The following CSMD1 variants were observed in gnomAD, a reference collection of about 807,000 sequenced individuals.
CSMD1 encodes the protein CUB and Sushi multiple domains 1.
CSMD1 carries 213 observed loss-of-function variants against 417.5 expected under a neutral mutation model. The ratio of observed to expected loss-of-function variants is 0.51; its 90% CI spans 0.46 to 0.57. The LOEUF is 0.57. Ranked by LOEUF, CSMD1 falls within the 20% of genes least tolerant of loss-of-function variation. The pLI is 0.00. For synonymous variants in CSMD1, 2,862 were observed against 1,736.8 expected (o/e 1.65, Z -16.11); for missense variants, 6,923 against 4,529.7 (o/e 1.53, Z -15.17).
At chr8:3,174,545 A>G (rs959518615) in intron 37 of CSMD1, among the ~76,000 whole-genome samples, 25 of 152,202 alleles carry the variant, frequency 1.6e-4, no homozygotes, top group African/African-American at 5.8e-4. Context: ...GATCACTTCT[A>G]TATTTTCTAG....
chr8:4,857,547 A>G (rs1801876857), intron 1 of CSMD1, among the ~76,000 whole-genome samples: 2 of 152,222 alleles, frequency 1.3e-5, no homozygotes, highest in African/African-American at 4.8e-5. Context: ...AGAGAGAAGA[A>G]TCAAATAGAC....
chr8:3,928,234 G>C (rs1055371162), intron 5 of CSMD1, among the ~76,000 whole-genome samples: 12 of 152,012 alleles, frequency 7.9e-5, no homozygotes, highest in African/African-American at 2.7e-4. Context: ...AGAAATAGTA[G>C]GTATAATTAA....
chr8:4,339,824 G>A (rs1183874202), intron 3 of CSMD1, among the ~76,000 whole-genome samples: 1 of 152,028 alleles, frequency 6.6e-6, no homozygotes, highest in Non-Finnish European at 1.5e-5. Flanking sequence ...AGGAGTTTAA[G>A]ATCAGCCTGG....
intron 23 of CSMD1, among the ~76,000 whole-genome samples, chr8:3,324,909 T>C (rs989085509): frequency 3.9e-5 from 6 of 152,188 alleles, no homozygotes; most frequent in South Asian, 4.1e-4. Flanking sequence ...TCTAGTTGCC[T>C]GGCACTGGAA....
chr8:3,154,861 T>C (rs1383703565), intron 39 of CSMD1, among the ~76,000 whole-genome samples: 1 of 152,180 alleles, frequency 6.6e-6, no homozygotes, highest in Non-Finnish European at 1.5e-5. Context: ...TTAAGTAAAA[T>C]ATTATCTCTC....
Position 3,367,263 on chromosome 8 carries a change from G to C in CSMD1, c.2900-16C>G, listed in dbSNP as rs571862966. On this transcript the variant is annotated splice_polypyrimidine_tract_variant and intron_variant, in intron 19 of 69. Transcript: ENST00000635120. Reference sequence around the variant, plus strand: ...ATTTGAACTCCTGAGAAATGAAGCCGGGGGAGAGAGAGAGAGACAGAGAGA... The same window carrying C: ...ATTTGAACTCCTGAGAAATGAAGCCCGGGGAGAGAGAGAGAGACAGAGAGA... 3 of 1,571,606 alleles carry C rather than the reference G, an allele frequency of 1.9e-6. No individual in the cohort carries two copies.
chr8:3,898,497 G>C (rs1807513971), intron 5 of CSMD1, among the ~76,000 whole-genome samples: 1 of 152,200 alleles, frequency 6.6e-6, no homozygotes, highest in African/African-American at 2.4e-5. Flanking sequence ...AAAACCTACT[G>C]TTCCAGAGAA....
intron 10 of CSMD1, among the ~76,000 whole-genome samples, chr8:3,542,424 G>C (rs958220929): frequency 3.3e-5 from 5 of 152,110 alleles, no homozygotes; most frequent in East Asian, 1.9e-4. Context: ...ACCGTTCTAC[G>C]ATTGGATGTG....
chr8:4,638,618 C>G (rs17070942), intron 1 of CSMD1, among the ~76,000 whole-genome samples: 13,311 of 152,138 alleles, frequency 0.087, 676 homozygotes, highest in East Asian at 0.16. Context: ...AGAAAAGGCT[C>G]AGAGTTCCAA....
At chr8:4,088,244 G>C (rs1036933769) in intron 3 of CSMD1, among the ~76,000 whole-genome samples, 1 of 152,172 alleles carries the variant, frequency 6.6e-6, no homozygotes, top group Non-Finnish European at 1.5e-5. Flanking sequence ...CAGAAGCTGA[G>C]AAGTAGATTT....
intron 5 of CSMD1, among the ~76,000 whole-genome samples, chr8:3,962,394 C>G (rs536147714): frequency 2.6e-5 from 4 of 152,170 alleles, no homozygotes; most frequent in African/African-American, 9.6e-5. Context: ...GTTGTCACCA[C>G]GCAGTCCTGA....
intron 6 of CSMD1, among the ~76,000 whole-genome samples, chr8:3,747,113 C>T: frequency 6.6e-6 from 1 of 152,308 alleles, no homozygotes; most frequent in Non-Finnish European, 1.5e-5. Flanking sequence ...TGGAGAAACA[C>T]AGTTGTAAAG....
At chr8:3,959,549 A>G (rs1392994358) in intron 5 of CSMD1, among the ~76,000 whole-genome samples, 1 of 152,244 alleles carries the variant, frequency 6.6e-6, no homozygotes, top group Non-Finnish European at 1.5e-5. Context: ...GAAAAGAGAG[A>G]CAAAGAGTTC....
intron 6 of CSMD1, among the ~76,000 whole-genome samples, chr8:3,740,428 G>C (rs2623711): frequency 0.93 from 141,995 of 152,282 alleles, 67,031 homozygotes; most frequent in Non-Finnish European, 1. Flanking sequence ...CAAATGCCTG[G>C]TACAGAAAAA....
At chr8:3,650,756 C>G (rs936688390) in intron 7 of CSMD1, among the ~76,000 whole-genome samples, 3 of 152,192 alleles carry the variant, frequency 2.0e-5, no homozygotes, top group African/African-American at 7.2e-5. Flanking sequence ...ATTTCTAATG[C>G]AAAAATGTGA....
intron 5 of CSMD1, among the ~76,000 whole-genome samples, chr8:3,937,546 A>G (rs1810585845): frequency 6.7e-6 from 1 of 149,624 alleles, no homozygotes; most frequent in Non-Finnish European, 1.5e-5. Context: ...ACATAATACT[A>G]TTGCACACTC....
chr8:4,654,674 G>C (rs1411664229), intron 1 of CSMD1, among the ~76,000 whole-genome samples: 2 of 152,054 alleles, frequency 1.3e-5, no homozygotes. Context: ...GATTTGTTGG[G>C]TGCTTTCCAG....
At chr8:4,854,279 G>C (rs1425330516) in intron 1 of CSMD1, among the ~76,000 whole-genome samples, 2 of 152,180 alleles carry the variant, frequency 1.3e-5, no homozygotes, top group African/African-American at 4.8e-5. Flanking sequence ...CAGTGTTGGA[G>C]ACAGGGCTTG....
chr8:3,916,915 AAT>A (rs1808868483), intron 5 of CSMD1, among the ~76,000 whole-genome samples: 1 of 152,100 alleles, frequency 6.6e-6, no homozygotes, highest in Non-Finnish European at 1.5e-5. Context: ...TATTAAAAAA[AAT>A]AACAATAATA....
Sources: gnomAD v4.1 joint callset for allele counts (sites outside exome capture counted in the v4.1 genomes callset) on GRCh38, gnomAD v4.1.1 for gene constraint, MANE v1.5 for transcripts, NCBI Gene and HGNC (gene_info 2026-07-23, HGNC 2026-07-21) for gene names.